The following SRBD1 variants were observed in gnomAD, a reference collection of about 807,000 sequenced individuals.
SRBD1 encodes the protein S1 RNA binding domain 1.
Under a neutral mutation model 115.3 loss-of-function variants are expected in SRBD1, and 88 were observed. The observed-to-expected ratio is 0.76, with a 90% CI of 0.64 to 0.91. The LOEUF (loss-of-function observed/expected upper bound fraction) is 0.91. Ranked by LOEUF, SRBD1 falls within the 40% of genes least tolerant of loss-of-function variation. SRBD1 has a pLI of 0.00. For synonymous variants in SRBD1, 509 were observed against 407.7 expected, an observed-to-expected ratio of 1.25 and a Z score of -2.99; for missense variants, 1,385 against 1,177.4, an observed-to-expected ratio of 1.18 and a Z score of -2.58.
chr2:45,492,941 G>A (rs1034132106), intron 14 of SRBD1, among the ~76,000 whole-genome samples: 13 of 152,186 alleles, frequency 8.5e-5, no homozygotes, highest in Non-Finnish European at 1.8e-4. Context: ...AAATAAAAAT[G>A]CAGTTATTTA....
At chr2:45,416,817 C>T (rs1301949903) in intron 18 of SRBD1, among the ~76,000 whole-genome samples, 1 of 151,984 alleles carries the variant, frequency 6.6e-6, no homozygotes, top group Non-Finnish European at 1.5e-5. Context: ...CTTGTTCTGT[C>T]GCCCAGGCTG....
At chr2:45,456,015 G>A (rs535083607) in intron 16 of SRBD1, among the ~76,000 whole-genome samples, 19 of 151,706 alleles carry the variant, frequency 1.3e-4, no homozygotes, top group African/African-American at 4.6e-4. Flanking sequence ...GTTTTATAGA[G>A]TTCTGTGAAC....
At chr2:45,530,136 A>C (rs753050228) in intron 14 of SRBD1, among the ~76,000 whole-genome samples, 3 of 152,018 alleles carry the variant, frequency 2.0e-5, no homozygotes, top group Non-Finnish European at 4.4e-5. Context: ...AAAATGCTTC[A>C]AAAGGTAGTG....
chr2:45,443,360 A>C (rs1435100406), intron 16 of SRBD1, among the ~76,000 whole-genome samples: 1 of 152,210 alleles, frequency 6.6e-6, no homozygotes, highest in Non-Finnish European at 1.5e-5. Context: ...TTTAATGACA[A>C]CAGGTTTGCA....
At chr2:45,543,239 G>A (rs1171476741) in intron 14 of SRBD1, among the ~76,000 whole-genome samples, 45 of 152,128 alleles carry the variant, frequency 3.0e-4, no homozygotes, top group Admixed American at 2.9e-3. Flanking sequence ...TGCTCCTTTG[G>A]TAATTAGAAT....
At chr2:45,412,055 G>A (rs988786601) in intron 19 of SRBD1, among the ~76,000 whole-genome samples, 11 of 151,274 alleles carry the variant, frequency 7.3e-5, no homozygotes, top group Non-Finnish European at 1.3e-4. Context: ...AGAGGTTGCC[G>A]AGATCACACC....
In SRBD1 at chr2:45,599,487, T is replaced by C. The variant is rs1246757500; in HGVS notation, c.610A>G (p.Thr204Ala). ...PVKFPANANS[T>A]KEEVEMNWDM... The stretch of plus-strand genomic sequence containing the variant: ...CAATTCATTTCCACCTCCTCTTTAG[T>C]ACTATTGGCATTTGCTGGAAACTTG... Residue 204 changes from threonine to alanine, a missense_variant, in exon 4 of 21, where the codon ACT becomes GCT. Thr to Ala is a moderately conservative substitution (Grantham distance 58, BLOSUM62 0). Coordinates refer to ENST00000263736, the MANE Select transcript of SRBD1 (RefSeq NM_018079.5). 3.1e-6 allele frequency: 5 copies of C among 1,614,042 alleles called. No homozygotes were observed. In the Admixed American group the frequency reaches 5.0e-5, roughly 16 times the overall value.
intron 16 of SRBD1, among the ~76,000 whole-genome samples, chr2:45,462,859 T>C (rs1409371880): frequency 6.6e-6 from 1 of 151,930 alleles, no homozygotes; most frequent in African/African-American, 2.4e-5. Context: ...GCTGCTAACC[T>C]GCCTACTATC....
In SRBD1 at chr2:45,537,621, GT is replaced by G. The variant is rs34376180; in HGVS notation, c.1874+9110del. On this transcript the variant is annotated intron_variant, in intron 14 of 20. Coordinates refer to ENST00000263736, the MANE Select transcript of SRBD1 (RefSeq NM_018079.5). ...CATCTGTGTCCTATAAAATGGGTGT[GT>G]TTTGGGGGGAGGGACAAGAGTTAGA... 1.3e-3 allele frequency among the ~76,000 whole-genome samples: 192 copies of G among 152,258 alleles called. 2 individuals are homozygous for G. The East Asian group carries it at 0.018, about 14-fold the overall frequency.
At chr2:45,562,063 A>G (rs1403752427) in intron 10 of SRBD1, among the ~76,000 whole-genome samples, 1 of 152,234 alleles carries the variant, frequency 6.6e-6, no homozygotes, top group African/African-American at 2.4e-5. Context: ...AAAGTAATGA[A>G]GTAAAACAGT....
intron 19 of SRBD1, among the ~76,000 whole-genome samples, chr2:45,406,463 T>C (rs1324587054): frequency 6.6e-6 from 1 of 152,186 alleles, no homozygotes; most frequent in Non-Finnish European, 1.5e-5. Flanking sequence ...AAATCCCATG[T>C]TCCCCTTATA....
intron 7 of SRBD1, among the ~76,000 whole-genome samples, chr2:45,575,979 C>T (rs1437043764): frequency 6.6e-6 from 1 of 152,224 alleles, no homozygotes; most frequent in East Asian, 1.9e-4. Flanking sequence ...GTTGGGATTA[C>T]AGGCGTGAGC....
chr2:45,520,211 C>CTCAA (rs1368864772), intron 14 of SRBD1, among the ~76,000 whole-genome samples: 3 of 152,190 alleles, frequency 2.0e-5, no homozygotes, highest in Non-Finnish European at 1.5e-5. Flanking sequence ...GGTACCTGGC[C>CTCAA]TCAATGGTAC....
At chr2:45,597,698 T>A (rs78239708) in intron 4 of SRBD1, among the ~76,000 whole-genome samples, 1 of 152,204 alleles carries the variant, frequency 6.6e-6, no homozygotes, top group East Asian at 1.9e-4. Flanking sequence ...TTGACCACAT[T>A]CTGTCCCTTT....
chr2:45,476,281 A>G (rs989600053), intron 16 of SRBD1, among the ~76,000 whole-genome samples: 2 of 152,184 alleles, frequency 1.3e-5, no homozygotes, highest in African/African-American at 4.8e-5. Flanking sequence ...GGTGTCTTCC[A>G]TATCTAGTAG....
intron 14 of SRBD1, among the ~76,000 whole-genome samples, chr2:45,509,758 A>T (rs1670910940): frequency 6.6e-6 from 1 of 152,128 alleles, no homozygotes; most frequent in Non-Finnish European, 1.5e-5. Flanking sequence ...CTTTTAAGAC[A>T]GGGTCTCACT....
chr2:45,552,581 A>G (rs1217320947), intron 11 of SRBD1, among the ~76,000 whole-genome samples: 3 of 152,192 alleles, frequency 2.0e-5, no homozygotes, highest in Non-Finnish European at 4.4e-5. Context: ...ACAAAAAGAA[A>G]TTGAAATTTT....
At chr2:45,465,421 T>G (rs1232207526) in intron 16 of SRBD1, among the ~76,000 whole-genome samples, 1 of 152,094 alleles carries the variant, frequency 6.6e-6, no homozygotes, top group Non-Finnish European at 1.5e-5. Context: ...TGTATATATA[T>G]ATAAATGCAC....
intron 16 of SRBD1, among the ~76,000 whole-genome samples, chr2:45,456,882 T>C (rs1479923518): frequency 1.3e-5 from 2 of 151,910 alleles, no homozygotes; most frequent in African/African-American, 4.8e-5. Flanking sequence ...CTGTTTGTAG[T>C]AGCGATTAAA....
Sources: gnomAD v4.1 joint callset for allele counts (sites outside exome capture counted in the v4.1 genomes callset) on GRCh38, gnomAD v4.1.1 for gene constraint, MANE v1.5 for transcripts, NCBI Gene and HGNC (gene_info 2026-07-23, HGNC 2026-07-21) for gene names.